Variants in LARP1 observed in about 807,000 individuals in gnomAD.
LARP1 encodes la-related protein 1.
LARP1 carries 36 observed loss-of-function variants against 122.7 expected under a neutral mutation model. That is an observed-to-expected ratio of 0.29 (90% CI 0.22 to 0.39). The LOEUF is 0.39. Among genes scored for constraint, LARP1 ranks in the 10% least tolerant of loss-of-function variants. LARP1 has a pLI of 1.00. For missense variants in LARP1, 1,040 were observed against 1,403.6 expected, an observed-to-expected ratio of 0.74 and a Z score of 4.14; for synonymous variants, 539 against 528.7, an observed-to-expected ratio of 1.02 and a Z score of -0.27.
chr5:154,789,377 GC>G (rs1757168043), intron 1 of LARP1, among the ~76,000 whole-genome samples: 1 of 151,658 alleles, frequency 6.6e-6, no homozygotes, highest in African/African-American at 2.4e-5. Context: ...CCACCACCAC[GC>G]CCAGCTAATT....
upstream of LARP1, among the ~76,000 whole-genome samples, chr5:154,708,366 T>C (rs545621034): frequency 1.3e-5 from 2 of 152,160 alleles, no homozygotes; most frequent in East Asian, 3.9e-4. Flanking sequence ...GTCACACGAG[T>C]TTTGCAACCC....
At chr5:154,715,242 C>A (rs1014052475) in intron 1 of LARP1, among the ~76,000 whole-genome samples, 9 of 150,538 alleles carry the variant, frequency 6.0e-5, no homozygotes, top group African/African-American at 2.2e-4. Flanking sequence ...TTAGCCAGTC[C>A]CCTGCTCTGG....
upstream of LARP1, among the ~76,000 whole-genome samples, chr5:154,752,199 GTGACT>G (rs1753537342): frequency 6.6e-6 from 1 of 152,162 alleles, no homozygotes; most frequent in Non-Finnish European, 1.5e-5. Flanking sequence ...GCTCTGCTGT[GTGACT>G]TTGGATAAGG....
chr5:154,788,878 G>A (rs565282788), intron 1 of LARP1, among the ~76,000 whole-genome samples: 30 of 152,300 alleles, frequency 2.0e-4, no homozygotes, highest in African/African-American at 7.2e-4. Flanking sequence ...TGTACTGTAT[G>A]TGTGTGCATG....
intron 1 of LARP1, among the ~76,000 whole-genome samples, chr5:154,778,258 T>TAAAAAAA (rs577057003): frequency 1.7e-5 from 2 of 119,710 alleles, no homozygotes; most frequent in African/African-American, 6.2e-5. Flanking sequence ...AGACTCCGTC[T>TAAAAAAA]AAAAAAAAAA....
chr5:154,724,055 A>G (rs1426940264), intron 1 of LARP1, among the ~76,000 whole-genome samples: 1 of 152,250 alleles, frequency 6.6e-6, no homozygotes, highest in Non-Finnish European at 1.5e-5. Flanking sequence ...TGCCAGAGGC[A>G]ACCATGATCT....
intron 1 of LARP1, among the ~76,000 whole-genome samples, chr5:154,726,094 C>T (rs933409756): frequency 6.6e-6 from 1 of 152,174 alleles, no homozygotes; most frequent in African/African-American, 2.4e-5. Context: ...CCCACCTTGG[C>T]CTTCCACAGT....
chr5:154,694,256 A>ATATT (rs764115030), intron 1 of LARP1, among the ~76,000 whole-genome samples: 70 of 152,142 alleles, frequency 4.6e-4, no homozygotes, highest in African/African-American at 1.6e-3. Flanking sequence ...TATTTTTATC[A>ATATT]TATTTATTTA....
chr5:154,794,455 TTTACC>T (rs1757588766), intron 7 of LARP1, among the ~76,000 whole-genome samples, 193 bp downstream of exon 7: 1 of 152,190 alleles, frequency 6.6e-6, no homozygotes, highest in Non-Finnish European at 1.5e-5. Context: ...TGGTACAACA[TTTACC>T]TTAAGAAAGT....
intron 1 of LARP1, among the ~76,000 whole-genome samples, chr5:154,724,957 C>T (rs1400096433): frequency 3.3e-5 from 5 of 152,196 alleles, no homozygotes; most frequent in African/African-American, 7.2e-5. Context: ...TGAGCCATCT[C>T]GCCTGGCCAC....
chr5:154,805,308 T>A (rs189006992), intron 14 of LARP1: 1 of 216,454 alleles, frequency 4.6e-6, no homozygotes, highest in Non-Finnish European at 9.2e-6. Flanking sequence ...GTGGTCTTCA[T>A]GTTTAGCAGG....
At chr5:154,767,637 G>A (rs980530760) in intron 1 of LARP1, among the ~76,000 whole-genome samples, 4 of 152,212 alleles carry the variant, frequency 2.6e-5, no homozygotes, top group Non-Finnish European at 4.4e-5. Flanking sequence ...GAGTTCAGGC[G>A]TTTTGCAGTA....
intron 4 of LARP1, 142 bp downstream of exon 4, chr5:154,792,938 T>A: frequency 2.6e-6 from 2 of 769,424 alleles, no homozygotes; most frequent in Non-Finnish European, 4.1e-6. Flanking sequence ...GCTGGTGAGA[T>A]AGCAGTCTTC....
At chr5:154,781,860 C>T (rs1296126581) in intron 1 of LARP1, among the ~76,000 whole-genome samples, 1 of 152,178 alleles carries the variant, frequency 6.6e-6, no homozygotes. Flanking sequence ...AAAGATTGGA[C>T]ACCTCTGTAG....
Position 154,755,523 on chromosome 5 carries a change from T to A in LARP1, c.-235T>A, listed in dbSNP as rs1000546730. ...GGGGGGGACGCACGCCTAGGAGGCC[T>A]GGACTGCAGAGTGGGGGGCCTTCCT... is the stretch of plus-strand genomic sequence containing the variant. On this transcript the variant is annotated 5_prime_UTR_variant, in exon 1 of 19. Transcript: ENST00000518297. 37 of 984,082 alleles carry A rather than the reference T, an allele frequency of 3.8e-5. No individual in the cohort carries two copies. In the African/African-American group the frequency reaches 6.0e-4, roughly 16 times the overall value. The allele number at this position is 984,082 out of a possible 1,614,324, so 61.0% of individuals were successfully genotyped here.
At position 154,703,120 on chromosome 5, in the gene LARP1, C is replaced by CAAA. The variant is rs757446137; in HGVS notation, c.-180+20108_-180+20110dup. 3.0e-3 allele frequency among the ~76,000 whole-genome samples: 118 copies of CAAA among 38,746 alleles called. 8 individuals are homozygous for CAAA. Among genetic ancestry groups the CAAA allele is most frequent in the African/African-American group, 5.9e-3 (74 of 12,636 alleles). 25.4% of individuals were successfully genotyped at this position (38,746 alleles called of 152,430 possible). ...GGGGCAACAGAGTGAGACGCTGTCT[C>CAAA]AAAAAAAAAAAAAAAAAAAAAAAAA... On this transcript the variant is annotated intron_variant, in intron 1 of 18. Coordinates refer to the LARP1 transcript ENST00000687700.
At chr5:154,737,654 A>G (rs1004639092) in intron 1 of LARP1, among the ~76,000 whole-genome samples, 4 of 151,796 alleles carry the variant, frequency 2.6e-5, no homozygotes, top group Admixed American at 6.6e-5. Flanking sequence ...TGTTGGTCCG[A>G]CTGGTCTCGA....
At chr5:154,790,622 C>G (rs1201414494) in intron 2 of LARP1, 23 bp from the exon 3 acceptor site, 2 of 1,613,702 alleles carry the variant, frequency 1.2e-6, no homozygotes, top group Admixed American at 1.7e-5. Flanking sequence ...TCCTGGGGCC[C>G]TCATAGTGTA....
At chr5:154,703,489 C>T (rs556788036) in intron 1 of LARP1, among the ~76,000 whole-genome samples, 4 of 152,100 alleles carry the variant, frequency 2.6e-5, no homozygotes, top group Non-Finnish European at 5.9e-5. Flanking sequence ...ATGGGGGCCT[C>T]TCTAATCCCA....
Sources: gnomAD v4.1 joint callset for allele counts (sites outside exome capture counted in the v4.1 genomes callset) on GRCh38, gnomAD v4.1.1 for gene constraint, MANE v1.5 for transcripts, NCBI Gene and HGNC (gene_info 2026-07-23, HGNC 2026-07-21) for gene names.